Variants in ENPP1 observed in about 807,000 individuals in gnomAD.
The protein encoded by ENPP1 is ectonucleotide pyrophosphatase/phosphodiesterase 1.
In ENPP1, 73 loss-of-function variants were observed where a neutral mutation model predicts 122.8. That is an observed-to-expected ratio of 0.59 (90% CI 0.49 to 0.72). The LOEUF (loss-of-function observed/expected upper bound fraction) is 0.72. Among genes scored for constraint, ENPP1 ranks in the 30% least tolerant of loss-of-function variants. The pLI is 0.00. For synonymous variants in ENPP1, 367 were observed against 391.6 expected (o/e 0.94, Z 0.74); for missense variants, 978 against 1,128.1 (o/e 0.87, Z 1.91).
chr6:131,810,080 C>G (rs568141181), intron 1 of ENPP1, among the ~76,000 whole-genome samples: 45 of 152,236 alleles, frequency 3.0e-4, no homozygotes, highest in South Asian at 8.3e-4. Flanking sequence ...CCAAATAGAC[C>G]TGGTGCGGTG....
At chr6:131,873,211 T>A (rs1782185601) in intron 15 of ENPP1, among the ~76,000 whole-genome samples, 161 bp downstream of exon 15, 1 of 152,130 alleles carries the variant, frequency 6.6e-6, no homozygotes, top group South Asian at 2.1e-4. Flanking sequence ...GATGTTTGAG[T>A]TAGATAATTC....
chr6:131,825,234 A>G (rs1781532828), intron 1 of ENPP1, among the ~76,000 whole-genome samples: 1 of 152,182 alleles, frequency 6.6e-6, no homozygotes, highest in Non-Finnish European at 1.5e-5. Flanking sequence ...CCTGAAAACT[A>G]TAATAGCTTT....
chr6:131,832,866 T>G (rs990367158), intron 1 of ENPP1, among the ~76,000 whole-genome samples: 11 of 151,702 alleles, frequency 7.3e-5, no homozygotes, highest in Non-Finnish European at 1.3e-4. Context: ...GGCTGAAGGC[T>G]TTAAGAGCAA....
intron 24 of ENPP1, among the ~76,000 whole-genome samples, chr6:131,887,415 CAG>C (rs1207202080): frequency 6.7e-6 from 1 of 148,344 alleles, no homozygotes; most frequent in Non-Finnish European, 1.5e-5. Flanking sequence ...TTTTTTGAGA[CAG>C]AGTCTCACTT....
At chr6:131,869,236 C>G in intron 12 of ENPP1, 122 bp from the exon 13 acceptor site, 1 of 884,296 alleles carries the variant, frequency 1.1e-6, no homozygotes, top group South Asian at 1.5e-5. Context: ...AGATCTTCAA[C>G]TAATATGAGT....
chr6:131,848,947 G>C (rs1781846792), intron 2 of ENPP1, among the ~76,000 whole-genome samples: 1 of 152,150 alleles, frequency 6.6e-6, no homozygotes, highest in African/African-American at 2.4e-5. Context: ...TTCCATGGCA[G>C]TGTCTTTTTG....
Position 131,872,804 on chromosome 6 carries a change from A to T in ENPP1, c.1438-119A>T, listed in dbSNP as rs890403832. 4 of 1,013,436 alleles carry T rather than the reference A, an allele frequency of 3.9e-6. No homozygotes were observed. The African/African-American group carries it at 4.9e-5, about 12-fold the overall frequency. 62.8% of individuals were successfully genotyped at this position (1,013,436 alleles called of 1,614,324 possible). ...TAGAAAGCAATTTCAAGAAAAGTTG[A>T]CACTTTTTATAGATATTAGGGAAAT... On this transcript the variant is annotated intron_variant, in intron 14 of 24. Transcript: ENST00000647893.
intron 16 of ENPP1, among the ~76,000 whole-genome samples, chr6:131,875,394 A>G (rs976135155): frequency 1.3e-5 from 2 of 152,200 alleles, no homozygotes; most frequent in African/African-American, 2.4e-5. Context: ...GAAGGATAAT[A>G]TCTTACATTT....
intron 3 of ENPP1, 132 bp downstream of exon 3, chr6:131,850,238 G>C: frequency 1.4e-6 from 1 of 711,030 alleles, no homozygotes; most frequent in Non-Finnish European, 2.5e-6. Context: ...TACACGTTTT[G>C]ACATTAGCTT....
chr6:131,890,304 C>G (rs1782450989), intron 24 of ENPP1, 37 bp from the exon 25 acceptor site: 2 of 1,570,606 alleles, frequency 1.3e-6, no homozygotes, highest in African/African-American at 2.7e-5. Flanking sequence ...TGAGTGTTCT[C>G]TTGGTAACTT....
At chr6:131,817,754 T>TACACACACACACACACAC (rs138209749) in intron 1 of ENPP1, among the ~76,000 whole-genome samples, 60 of 146,336 alleles carry the variant, frequency 4.1e-4, no homozygotes, top group Admixed American at 2.9e-3. Flanking sequence ...TCTCTCTCCA[T>TACACACACACACACACAC]ACACACACAC....
intron 1 of ENPP1, among the ~76,000 whole-genome samples, chr6:131,837,700 C>T (rs916214123): frequency 2.2e-4 from 34 of 152,052 alleles, no homozygotes; most frequent in African/African-American, 8.0e-4. Flanking sequence ...ATCTTGAAAC[C>T]TGTTAATGAG....
Position 131,851,204 on chromosome 6 carries a change from G to T in ENPP1, c.493G>T (p.Ala165Ser). ...GEKRLTRSLC[A>S]CSDDCKDKGD... ...GAAAAGGTTGACCAGAAGCCTCTGT[G>T]CCTGTTCAGATGACTGCAAGGACAA... is the stretch of plus-strand genomic sequence containing the variant. The change falls in exon 4 of 25, where the codon GCC (alanine) becomes TCC (serine). Residue 165 changes from alanine to serine, a missense_variant. Physicochemically the swap from Ala to Ser is moderately conservative, Grantham distance 99. This residue lies in a region of ENPP1 where 330 missense variants were observed against 328.5 expected (regional missense o/e 1.00). Coordinates refer to ENST00000647893, the MANE Select transcript of ENPP1 (RefSeq NM_006208.3). The T allele has an allele frequency of 6.2e-7, 1 of 1,614,090 alleles. No homozygotes were observed. The highest frequency in any genetic ancestry group is 1.3e-5 in the African/African-American group (1 of 75,056).
rs1458004031 is a variant in ENPP1 at position 131,852,837 on chromosome 6, TAAC to T, written c.617+606_617+608del. ...TTGGTCCATTTATACATTTTTGGGA[TAAC>T]AACCTATTTGTGAGAGATGATACAT... On this transcript the variant is annotated intron_variant, in intron 5 of 24. Coordinates refer to ENST00000647893, the MANE Select transcript of ENPP1 (RefSeq NM_006208.3). 2.0e-5 allele frequency among the ~76,000 whole-genome samples: 3 copies of T among 152,226 alleles called. No homozygotes were observed. In the East Asian group the frequency reaches 5.8e-4, roughly 29 times the overall value.
intron 1 of ENPP1, among the ~76,000 whole-genome samples, chr6:131,835,817 A>G (rs931396342): frequency 6.6e-6 from 1 of 152,086 alleles, no homozygotes; most frequent in African/African-American, 2.4e-5. Flanking sequence ...GCAATTTTCT[A>G]TTACCAGTGA....
Position 131,808,321 on chromosome 6 carries a change from G to C in ENPP1, c.240+46G>C, listed in dbSNP as rs1160504897. 4 of 1,467,818 alleles carry C rather than the reference G, an allele frequency of 2.7e-6. No individual in the cohort carries two copies. The East Asian group carries it at 8.5e-5, about 31-fold the overall frequency. The allele number at this position is 1,467,818 out of a possible 1,614,324, so 90.9% of individuals were successfully genotyped here. On this transcript the variant is annotated intron_variant, in intron 1 of 24. Coordinates refer to ENST00000647893, the MANE Select transcript of ENPP1 (RefSeq NM_006208.3). ...CGGCGCCCGGGAGGGCTGGGAGTAC[G>C]GGGAGGGCGGCGCCGAGCTCCTGCG...
Position 131,882,391 on chromosome 6 carries a change from T to G in ENPP1, c.2147T>G (p.Phe716Cys). 2.5e-6 allele frequency: 4 copies of G among 1,604,772 alleles called. No individual in the cohort carries two copies. In the South Asian group the frequency reaches 4.4e-5, roughly 18 times the overall value. ...TTCTCCAACTGTCTGTACCAGGACT[T>G]TAGAATTCCTCTTAGTCCTGTCCAT... ...EDFSNCLYQD[F>C]RIPLSPVHKC... The change falls in exon 21 of 25, where the codon TTT becomes TGT. Residue 716 changes from phenylalanine (F) to cysteine (C), a missense_variant. Coordinates refer to ENST00000647893, the MANE Select transcript of ENPP1 (RefSeq NM_006208.3).
At chr6:131,855,365 G>A (rs376325702) in intron 6 of ENPP1, among the ~76,000 whole-genome samples, 20 of 151,954 alleles carry the variant, frequency 1.3e-4, no homozygotes, top group South Asian at 2.1e-4. Context: ...TCACTCTGTC[G>A]CCCAGGCTGG....
At chr6:131,827,343 G>C in intron 1 of ENPP1, 19 of 1,172,316 alleles carry the variant, frequency 1.6e-5, no homozygotes, top group Non-Finnish European at 2.3e-5. Context: ...CTTGACATCA[G>C]GGATGTCACT....
Sources: allele counts gnomAD v4.1 joint callset (sites outside exome capture counted in the v4.1 genomes callset), GRCh38; gene constraint gnomAD v4.1.1; regional missense constraint gnomAD v4.1.1; transcripts MANE v1.5; gene names NCBI Gene and HGNC (gene_info 2026-07-23, HGNC 2026-07-21).